The following DHRSX variants were observed in gnomAD, a reference collection of about 807,000 sequenced individuals.
DHRSX encodes dehydrogenase/reductase X-linked.
DHRSX carries 31 observed loss-of-function variants against 34.0 expected under a neutral mutation model. The observed-to-expected ratio is 0.91, with a 90% CI of 0.69 to 1.23. DHRSX has a LOEUF of 1.23. Among genes scored for constraint, DHRSX ranks in the 50% most tolerant of loss-of-function variants. DHRSX has a pLI of 0.00. For synonymous variants in DHRSX, 201 were observed against 183.8 expected (o/e 1.09, Z -0.76); for missense variants, 414 against 428.1 (o/e 0.97, Z 0.29).
At chrX:2,227,525 A>G (rs1262557102) in intron 6 of DHRSX, among the ~76,000 whole-genome samples, 2 of 135,588 alleles carry the variant, frequency 1.5e-5, no homozygotes, top group Non-Finnish European at 3.2e-5. Flanking sequence ...AAGGAAGCAG[A>G]GAAGAAAGGA....
intron 6 of DHRSX, among the ~76,000 whole-genome samples, chrX:2,237,377 C>A (rs1413759880): frequency 6.6e-6 from 1 of 151,970 alleles, no homozygotes; most frequent in African/African-American, 2.4e-5. Context: ...GTGAAGTGGG[C>A]GCAGTCTACA....
At chrX:2,299,414 C>T (rs1350545929) in intron 3 of DHRSX, among the ~76,000 whole-genome samples, 2 of 152,106 alleles carry the variant, frequency 1.3e-5, no homozygotes, top group African/African-American at 2.4e-5. Context: ...ATGATGTCCA[C>T]GCTTCCCGTA....
chrX:2,312,254 T>C (rs990880400), intron 3 of DHRSX, among the ~76,000 whole-genome samples: 5 of 151,960 alleles, frequency 3.3e-5, no homozygotes, highest in African/African-American at 1.2e-4. Flanking sequence ...CTGGGAGAAG[T>C]TAATGAGCAA....
intron 5 of DHRSX, among the ~76,000 whole-genome samples, chrX:2,266,183 C>T (rs1163007686): frequency 5.2e-4 from 67 of 129,736 alleles, no homozygotes; most frequent in African/African-American, 1.1e-3. Flanking sequence ...GGAGCACTGT[C>T]CCCAGAGCAC....
chrX:2,420,233 C>A (rs1017237383), intron 2 of DHRSX, among the ~76,000 whole-genome samples: 1 of 150,976 alleles, frequency 6.6e-6, no homozygotes, highest in Admixed American at 6.6e-5. Context: ...ATGGTGAAAC[C>A]CCCCCTCTAC....
chrX:2,248,628 A>AAAAAAAAAAAAAG (rs1556433590), intron 5 of DHRSX, among the ~76,000 whole-genome samples: 59 of 104,260 alleles, frequency 5.7e-4, no homozygotes, highest in African/African-American at 2.1e-3. Context: ...AAAAAAAAAG[A>AAAAAAAAAAAAAG]AAAAGAAAAG....
At chrX:2,384,413 G>A (rs1475642518) in intron 3 of DHRSX, among the ~76,000 whole-genome samples, 1 of 152,138 alleles carries the variant, frequency 6.6e-6, no homozygotes, top group Non-Finnish European at 1.5e-5. Flanking sequence ...CTAAGGAAAG[G>A]TGTGTAGTGT....
intron 3 of DHRSX, among the ~76,000 whole-genome samples, chrX:2,397,860 G>A (rs1359070734): frequency 4.6e-5 from 7 of 151,876 alleles, no homozygotes; most frequent in African/African-American, 1.2e-4. Context: ...GCAAGTCGGC[G>A]GCAAGTGGAA....
chrX:2,331,436 GT>G (rs1159991841), intron 3 of DHRSX, among the ~76,000 whole-genome samples: 1,102 of 94,270 alleles, frequency 0.012, 2 homozygotes, highest in African/African-American at 0.034. Context: ...AGGTTTTTTG[GT>G]TTTTTTTTTT....
In DHRSX at chrX:2,416,557, G is replaced by T. The variant is rs754349133; in HGVS notation, c.218-7744C>A. Among the ~76,000 whole-genome samples, 7 of 152,218 alleles carry T rather than the reference G, an allele frequency of 4.6e-5. No homozygotes were observed. The South Asian group carries it at 1.4e-3, about 32-fold the overall frequency. On this transcript the variant is annotated intron_variant, in intron 2 of 6. Coordinates refer to ENST00000334651, the MANE Select transcript of DHRSX (RefSeq NM_145177.3). ...TTGTTTTAAGTATTACCTATGGGTG[G>T]TTACTCACTACTAGGGCAGAGCTCA...
rs181581493 is a variant in DHRSX, at chrX:2,469,300, C to T, written c.109+31517G>A. ...CCACCGTGTACACGCTGAAGACATTCCCTAAGAATGTGGATAAGGGACCGC... is the reference window on the plus strand; with the variant it reads ...CCACCGTGTACACGCTGAAGACATTTCCTAAGAATGTGGATAAGGGACCGC... On this transcript the variant is annotated intron_variant, in intron 1 of 6. Coordinates refer to ENST00000334651, the MANE Select transcript of DHRSX (RefSeq NM_145177.3). Among the ~76,000 whole-genome samples the T allele has an allele frequency of 5.3e-3, 789 of 149,786 alleles. 11 individuals carry two copies. Among genetic ancestry groups the T allele is most frequent in the African/African-American group, 0.018 (737 of 40,512 alleles).
At chrX:2,283,237 C>A (rs2041753362) in intron 4 of DHRSX, among the ~76,000 whole-genome samples, 1 of 151,928 alleles carries the variant, frequency 6.6e-6, no homozygotes, top group South Asian at 2.1e-4. Flanking sequence ...GCCGCAGAGT[C>A]ACAACAGACC....
At chrX:2,271,475 A>T (rs1318713112) in intron 4 of DHRSX, among the ~76,000 whole-genome samples, 2 of 152,206 alleles carry the variant, frequency 1.3e-5, no homozygotes, top group African/African-American at 4.8e-5. Flanking sequence ...TCACCTGCAC[A>T]CACTTTCCAG....
At chrX:2,496,255 G>A (rs113293393) in intron 1 of DHRSX, among the ~76,000 whole-genome samples, 3 of 152,164 alleles carry the variant, frequency 2.0e-5, no homozygotes, top group African/African-American at 7.2e-5. Context: ...CTTGAGTGCA[G>A]TGGCGCAATC....
intron 3 of DHRSX, among the ~76,000 whole-genome samples, chrX:2,294,812 A>AAGAGAGGGAGAG (rs1258111651): frequency 2.0e-5 from 3 of 150,560 alleles, no homozygotes; most frequent in Non-Finnish European, 3.0e-5. Context: ...AGAGAGGAAA[A>AAGAGAGGGAGAG]AGAGAGGGAG....
At chrX:2,495,361 TTAA>T (rs1476676288) in intron 1 of DHRSX, among the ~76,000 whole-genome samples, 1 of 151,972 alleles carries the variant, frequency 6.6e-6, no homozygotes, top group Non-Finnish European at 1.5e-5. Flanking sequence ...TCTATTATTA[TTAA>T]TATTATTGTT....
intron 6 of DHRSX, among the ~76,000 whole-genome samples, chrX:2,231,291 A>G (rs1416321191): frequency 6.6e-6 from 1 of 152,058 alleles, no homozygotes; most frequent in East Asian, 1.9e-4. Flanking sequence ...GGCCCTTCCC[A>G]GTTCTGTAAC....
At chrX:2,231,094 T>C (rs1281039649) in intron 6 of DHRSX, among the ~76,000 whole-genome samples, 1 of 152,086 alleles carries the variant, frequency 6.6e-6, no homozygotes, top group Non-Finnish European at 1.5e-5. Context: ...CTTTTAAGGC[T>C]AAACCAAAGG....
At chrX:2,292,868 T>C (rs2041883086) in intron 3 of DHRSX, among the ~76,000 whole-genome samples, 1 of 152,208 alleles carries the variant, frequency 6.6e-6, no homozygotes, top group Admixed American at 6.5e-5. Context: ...ACACAGTATA[T>C]GTAACTAATA....
Sources: allele counts gnomAD v4.1 joint callset (sites outside exome capture counted in the v4.1 genomes callset), GRCh38; gene constraint gnomAD v4.1.1; transcripts MANE v1.5; gene names NCBI Gene and HGNC (gene_info 2026-07-23, HGNC 2026-07-21).